The following CSMD3 variants were observed in gnomAD, a reference collection of about 807,000 sequenced individuals.
CSMD3 encodes CUB and sushi domain-containing protein 3.
A neutral mutation model predicts 435.2 loss-of-function variants in CSMD3; 177 were observed. The observed-to-expected ratio is 0.41, with a 90% confidence interval of 0.36 to 0.46. CSMD3 has a LOEUF of 0.46. Among genes scored for constraint, CSMD3 ranks in the 20% least tolerant of loss-of-function variants. CSMD3 has a pLI of 0.34. For synonymous variants in CSMD3, 1,656 were observed against 1,520.5 expected, an observed-to-expected ratio of 1.09 and a Z score of -2.07; for missense variants, 4,265 against 4,504.6, an observed-to-expected ratio of 0.95 and a Z score of 1.52.
chr8:112,353,034 T>C (rs1826274568), intron 38 of CSMD3, among the ~76,000 whole-genome samples: 1 of 152,208 alleles, frequency 6.6e-6, no homozygotes, highest in Non-Finnish European at 1.5e-5. Context: ...TACTTCTTAT[T>C]ATATGTAAAA....
chr8:112,903,765 G>A (rs1019166503), intron 10 of CSMD3, among the ~76,000 whole-genome samples: 2 of 151,282 alleles, frequency 1.3e-5, no homozygotes, highest in East Asian at 2.0e-4. Context: ...AGTAGGAAAT[G>A]ACTCAAACTT....
At chr8:112,724,488 T>C (rs1284899189) in intron 13 of CSMD3, among the ~76,000 whole-genome samples, 1 of 152,038 alleles carries the variant, frequency 6.6e-6, no homozygotes, top group Admixed American at 6.6e-5. Context: ...TCCCCAATAA[T>C]GTCTGTCTGA....
chr8:112,504,320 C>A (rs1172895040), intron 29 of CSMD3, among the ~76,000 whole-genome samples: 1 of 152,016 alleles, frequency 6.6e-6, no homozygotes, highest in Non-Finnish European at 1.5e-5. Context: ...TGTTTCTGCC[C>A]TTATTAGTGA....
intron 4 of CSMD3, among the ~76,000 whole-genome samples, chr8:113,132,638 A>T (rs1037483678): frequency 6.6e-6 from 1 of 152,098 alleles, no homozygotes; most frequent in African/African-American, 2.4e-5. Context: ...TTTCTTCATA[A>T]ATTACTCATC....
chr8:112,764,534 T>C (rs1423949225), intron 13 of CSMD3, among the ~76,000 whole-genome samples: 1 of 151,550 alleles, frequency 6.6e-6, no homozygotes, highest in African/African-American at 2.4e-5. Context: ...TTAGGCTCAA[T>C]GGTAAACTTG....
chr8:113,426,406 T>G (rs1563810152), intron 1 of CSMD3, among the ~76,000 whole-genome samples: 1 of 151,376 alleles, frequency 6.6e-6, no homozygotes, highest in Non-Finnish European at 1.5e-5. Flanking sequence ...GTACATTATG[T>G]GTTATTTTAA....
At chr8:113,389,241 C>T (rs959717563) in intron 1 of CSMD3, among the ~76,000 whole-genome samples, 1 of 151,578 alleles carries the variant, frequency 6.6e-6, no homozygotes, top group Non-Finnish European at 1.5e-5. Context: ...ACTTTAAACA[C>T]AAACTTTATT....
chr8:113,004,187 T>TA (rs1489110417), intron 6 of CSMD3, among the ~76,000 whole-genome samples: 1 of 151,948 alleles, frequency 6.6e-6, no homozygotes. Context: ...TATTAAGGAC[T>TA]ACAATCCTCT....
At chr8:112,769,945 G>A (rs990801848) in intron 13 of CSMD3, among the ~76,000 whole-genome samples, 1 of 151,874 alleles carries the variant, frequency 6.6e-6, no homozygotes, top group African/African-American at 2.4e-5. Context: ...ATGTGTAACT[G>A]AACACTACAA....
intron 2 of CSMD3, among the ~76,000 whole-genome samples, chr8:113,281,945 C>T (rs141028817): frequency 1.3e-5 from 2 of 151,774 alleles, no homozygotes; most frequent in African/African-American, 2.4e-5. Context: ...TGCTTAGTTT[C>T]GCTGGAAACA....
intron 13 of CSMD3, among the ~76,000 whole-genome samples, chr8:112,726,512 GTA>G (rs1289656967): frequency 6.6e-6 from 1 of 151,738 alleles, no homozygotes; most frequent in African/African-American, 2.4e-5. Context: ...GTTAGAGAAG[GTA>G]TATATATAAA....
intron 6 of CSMD3, among the ~76,000 whole-genome samples, chr8:112,983,090 C>T (rs2085113176): frequency 6.6e-6 from 1 of 151,800 alleles, no homozygotes; most frequent in African/African-American, 2.4e-5. Flanking sequence ...AAACCCAAAA[C>T]CTGTATTTTA....
intron 5 of CSMD3, among the ~76,000 whole-genome samples, chr8:113,046,642 C>A (rs2087847790): frequency 6.6e-6 from 1 of 152,216 alleles, no homozygotes; most frequent in Non-Finnish European, 1.5e-5. Context: ...TTATGCACTG[C>A]TGAAGTCCTG....
intron 31 of CSMD3, among the ~76,000 whole-genome samples, chr8:112,484,622 C>T (rs1819942233): frequency 6.6e-6 from 1 of 151,898 alleles, no homozygotes; most frequent in African/African-American, 2.4e-5. Flanking sequence ...CATCTTCGTA[C>T]AATGAGAATC....
intron 55 of CSMD3, 39 bp from the exon 56 acceptor site, chr8:112,291,734 A>T (rs1321356198): frequency 1.6e-6 from 2 of 1,276,454 alleles, no homozygotes; most frequent in Non-Finnish European, 2.3e-6. Context: ...TGTTTGGAAT[A>T]ATATACATAT....
intron 16 of CSMD3, among the ~76,000 whole-genome samples, chr8:112,681,791 T>C (rs1189937528): frequency 6.6e-6 from 1 of 152,090 alleles, no homozygotes; most frequent in Non-Finnish European, 1.5e-5. Context: ...TGCTGGAACC[T>C]GGGAGGCAGA....
At chr8:112,449,353 T>C in intron 32 of CSMD3, among the ~76,000 whole-genome samples, 1 of 152,162 alleles carries the variant, frequency 6.6e-6, no homozygotes, top group African/African-American at 2.4e-5. Flanking sequence ...TATAAATTCA[T>C]GAGATCTAGC....
intron 1 of CSMD3, among the ~76,000 whole-genome samples, chr8:113,384,512 T>C (rs1170699895): frequency 6.6e-6 from 1 of 152,134 alleles, no homozygotes; most frequent in Non-Finnish European, 1.5e-5. Flanking sequence ...TAACAGCAGC[T>C]TCCATCTCTA....
intron 4 of CSMD3, among the ~76,000 whole-genome samples, chr8:113,123,130 A>G (rs1341327880): frequency 6.6e-6 from 1 of 152,024 alleles, no homozygotes; most frequent in African/African-American, 2.4e-5. Context: ...TATAATTCCA[A>G]GGTATGGTTA....
Sources: gnomAD v4.1 joint callset for allele counts (sites outside exome capture counted in the v4.1 genomes callset) on GRCh38, gnomAD v4.1.1 for gene constraint, MANE v1.5 for transcripts, NCBI Gene and HGNC (gene_info 2026-07-23, HGNC 2026-07-21) for gene names.